PRKCQ: variants seen among roughly 807,000 people sequenced by gnomAD.
The protein encoded by PRKCQ is protein kinase C theta.
A neutral mutation model predicts 91.2 loss-of-function variants in PRKCQ; 41 were observed. The ratio of observed to expected loss-of-function variants is 0.45; its 90% CI spans 0.35 to 0.58. The LOEUF is 0.58. PRKCQ is among the 20% of genes least tolerant of loss of function. The probability of loss-of-function intolerance (pLI) is 0.00; values close to 1 mark genes in which losing one functional copy is unlikely to be tolerated. For synonymous variants in PRKCQ, 307 were observed against 316.9 expected (o/e 0.97, Z 0.33); for missense variants, 673 against 896.5 (o/e 0.75, Z 3.18).
chr10:6,496,915 G>C, intron 7 of PRKCQ, 120 bp downstream of exon 7: 2 of 889,782 alleles, frequency 2.2e-6, no homozygotes, highest in Non-Finnish European at 3.7e-6. Context: ...TGGGGAGATG[G>C]ATGTTCACTG....
At chr10:6,560,510 C>T (rs527472658) in intron 1 of PRKCQ, among the ~76,000 whole-genome samples, 3 of 152,186 alleles carry the variant, frequency 2.0e-5, no homozygotes, top group East Asian at 1.9e-4. Context: ...AAAATGAACC[C>T]GTAGAAAGTG....
intron 1 of PRKCQ, among the ~76,000 whole-genome samples, chr10:6,521,894 TATGTTATGTG>T (rs1354072661): frequency 1.5e-5 from 2 of 137,830 alleles, no homozygotes; most frequent in South Asian, 2.3e-4. Context: ...TGTACTATGT[TATGTTATGTG>T]ATGTTATGTT....
At chr10:6,487,255 C>A (rs550898585) in intron 8 of PRKCQ, among the ~76,000 whole-genome samples, 1 of 152,084 alleles carries the variant, frequency 6.6e-6, no homozygotes, top group East Asian at 1.9e-4. Flanking sequence ...GAACTGATGG[C>A]GTAAATTGAC....
chr10:6,466,819 A>C (rs1367205291), intron 12 of PRKCQ, among the ~76,000 whole-genome samples: 1 of 152,080 alleles, frequency 6.6e-6, no homozygotes, highest in Non-Finnish European at 1.5e-5. Context: ...TGCTGGAAAG[A>C]CTCTGGGCTG....
intron 16 of PRKCQ, among the ~76,000 whole-genome samples, chr10:6,434,405 T>C (rs1171463903): frequency 6.6e-6 from 1 of 152,226 alleles, no homozygotes; most frequent in Non-Finnish European, 1.5e-5. Context: ...ATTAAATGTG[T>C]AATGAGAAGA....
chr10:6,511,214 G>A lies in PRKCQ; in HGVS notation c.119-20C>T. The A allele has an allele frequency of 6.2e-7, 1 of 1,609,004 alleles. No homozygotes were observed. Among genetic ancestry groups the A allele is most frequent in the Non-Finnish European group, 8.5e-7 (1 of 1,175,736 alleles). ...CGTTCTCTAGGAACAGAAACGTAAG[G>A]TCTCATTATTCCTTCAGCCAGGCCT... is the stretch of plus-strand genomic sequence containing the variant. On this transcript the variant is annotated intron_variant, in intron 2 of 17. Transcript: ENST00000263125.
intron 15 of PRKCQ, among the ~76,000 whole-genome samples, chr10:6,449,729 G>C (rs958943716): frequency 4.6e-5 from 7 of 152,138 alleles, no homozygotes; most frequent in Middle Eastern, 3.2e-3. Context: ...ACTAACAGCT[G>C]ATCTCTCGGC....
chr10:6,483,991 G>T (rs688879), intron 10 of PRKCQ, among the ~76,000 whole-genome samples: 3 of 152,098 alleles, frequency 2.0e-5, no homozygotes, highest in Admixed American at 2.0e-4. Context: ...ATTTTCAATT[G>T]TTTGCATGGC....
chr10:6,533,202 T>C (rs145362608), intron 1 of PRKCQ, among the ~76,000 whole-genome samples: 1,589 of 152,178 alleles, frequency 0.01, 58 homozygotes, highest in South Asian at 0.043. Flanking sequence ...TCAGGTTCAC[T>C]CTTCTATTTT....
chr10:6,449,750 C>A (rs1194665026), intron 15 of PRKCQ, among the ~76,000 whole-genome samples: 1 of 152,218 alleles, frequency 6.6e-6, no homozygotes, highest in Non-Finnish European at 1.5e-5. Context: ...AGAAACTCTA[C>A]AAGCCAGAAG....
intron 1 of PRKCQ, among the ~76,000 whole-genome samples, chr10:6,557,915 G>T (rs1226062442): frequency 1.3e-5 from 2 of 152,012 alleles, no homozygotes; most frequent in Non-Finnish European, 2.9e-5. Context: ...CAAGTCCCAT[G>T]GATTTTTCTG....
At position 6,536,198 on chromosome 10, in the gene PRKCQ, C is replaced by T. The variant is rs150136231; in HGVS notation, c.-9-21054G>A. ...GCCCATGGCTCTAATCCCCCACCTG[C>T]ACTGAGCCTGGGTGGTCCCAGACAC... On this transcript the variant is annotated intron_variant, in intron 1 of 17. Coordinates refer to ENST00000263125, the MANE Select transcript of PRKCQ (RefSeq NM_006257.5). Among the ~76,000 whole-genome samples, 84 of 152,354 alleles carry T rather than the reference C, an allele frequency of 5.5e-4. 1 individual carries two copies. The highest frequency in any genetic ancestry group is 4.9e-3 in the Admixed American group (75 of 15,304).
At position 6,515,120 on chromosome 10, in the gene PRKCQ, G is replaced by A. The variant is rs1838691533; in HGVS notation, c.16C>T (p.Arg6Trp). MSPFLRIGLSNFDCGS... is the reference protein window; with the variant it reads MSPFLWIGLSNFDCGS... Reference sequence around the variant, plus strand: ...CAGTCAAAGTTGGACAAGCCAATCCGAAGAAATGGCGACATGGTTGCGCCC... The same window carrying A: ...CAGTCAAAGTTGGACAAGCCAATCCAAAGAAATGGCGACATGGTTGCGCCC... Residue 6 changes from arginine (R) to tryptophan (W), a missense_variant, in exon 2 of 18, where the codon CGG becomes TGG. Transcript: ENST00000263125. The A allele has an allele frequency of 1.2e-6, 2 of 1,613,700 alleles. No homozygotes were observed. Among genetic ancestry groups the A allele is most frequent in the Non-Finnish European group, 1.7e-6 (2 of 1,179,906 alleles).
intron 1 of PRKCQ, 81 bp from the exon 2 acceptor site, chr10:6,515,225 G>A: frequency 1.3e-6 from 2 of 1,592,454 alleles, no homozygotes; most frequent in Non-Finnish European, 1.7e-6. Context: ...CTTAACCAGT[G>A]CTTTATCATG....
chr10:6,404,220 A>G, the PRKCQ span, among the ~76,000 whole-genome samples: 1 of 117,364 alleles, frequency 8.5e-6, no homozygotes, highest in Non-Finnish European at 1.8e-5. Flanking sequence ...AAAAAACTAG[A>G]GAGAGAGAGA....
rs544070917 is a variant in PRKCQ at position 6,490,348 on chromosome 10, A to G, written c.790+1335T>C. ...TACCTCATTGCTCAAAAGAGAGGAC[A>G]TACATTAGTCAGTAGCACTGATCAA... On this transcript the variant is annotated intron_variant, in intron 8 of 17. Coordinates refer to ENST00000263125, the MANE Select transcript of PRKCQ (RefSeq NM_006257.5). 2.6e-5 allele frequency among the ~76,000 whole-genome samples: 4 copies of G among 152,276 alleles called. No homozygotes were observed. The South Asian group carries it at 6.2e-4, about 24-fold the overall frequency.
chr10:6,545,863 T>C (rs148638341), intron 1 of PRKCQ, among the ~76,000 whole-genome samples: 2,723 of 151,684 alleles, frequency 0.018, 69 homozygotes, highest in African/African-American at 0.063. Context: ...ATTAGCCAGG[T>C]GTGGTGGTGT....
intron 1 of PRKCQ, among the ~76,000 whole-genome samples, chr10:6,516,083 A>G (rs1838741453): frequency 6.6e-6 from 1 of 152,208 alleles, no homozygotes; most frequent in Non-Finnish European, 1.5e-5. Flanking sequence ...CTAAGCTTTC[A>G]TAAGTAAGCC....
intron 1 of PRKCQ, among the ~76,000 whole-genome samples, chr10:6,532,376 CTACTT>C (rs1839426070): frequency 6.6e-6 from 1 of 152,222 alleles, no homozygotes; most frequent in South Asian, 2.1e-4. Flanking sequence ...TGTCAAGCTT[CTACTT>C]TACTTGGTGA....
Sources: allele counts gnomAD v4.1 joint callset (sites outside exome capture counted in the v4.1 genomes callset), GRCh38; gene constraint gnomAD v4.1.1; transcripts MANE v1.5; gene names NCBI Gene and HGNC (gene_info 2026-07-23, HGNC 2026-07-21).